Variants in CRMP1 observed in about 807,000 individuals in gnomAD.
CRMP1 encodes dihydropyrimidinase-related protein 1.
A neutral mutation model predicts 68.3 loss-of-function variants in CRMP1; 19 were observed. The ratio of observed to expected loss-of-function variants is 0.28; its 90% CI spans 0.19 to 0.41. The LOEUF is 0.41. Ranked by LOEUF, CRMP1 falls within the 10% of genes least tolerant of loss-of-function variation. CRMP1 has a pLI of 1.00. For synonymous variants in CRMP1, 439 were observed against 399.6 expected, an observed-to-expected ratio of 1.10 and a Z score of -1.18; for missense variants, 791 against 967.4, an observed-to-expected ratio of 0.82 and a Z score of 2.42.
Position 5,877,977 on chromosome 4 carries a change from G to A in CRMP1, c.382-11221C>T, listed in dbSNP as rs1396180463. Among the ~76,000 whole-genome samples the A allele has an allele frequency of 1.3e-5, 2 of 152,216 alleles. No individual in the cohort carries two copies. The highest frequency in any genetic ancestry group is 4.8e-5 in the African/African-American group (2 of 41,458). Reference sequence around the variant, plus strand: ...CCCATTTCTCTGTGTTCTGGTCTGTGCTTCTTGCTTTATAGAAAGAAATCC... The same window carrying A: ...CCCATTTCTCTGTGTTCTGGTCTGTACTTCTTGCTTTATAGAAAGAAATCC... On this transcript the variant is annotated intron_variant, in intron 1 of 13. Coordinates refer to ENST00000324989, the MANE Select transcript of CRMP1 (RefSeq NM_001014809.3). The surrounding 1 kb of genome is among the most constrained non-coding windows in gnomAD (Gnocchi z 4.3).
Position 5,865,348 on chromosome 4 carries a change from G to A in CRMP1, c.470+1320C>T, listed in dbSNP as rs114321533. Among the ~76,000 whole-genome samples the A allele has an allele frequency of 0.078, 11,868 of 152,118 alleles. 478 individuals carry two copies. Among genetic ancestry groups the A allele is most frequent in the South Asian group, 0.11 (544 of 4,816 alleles). ...AGTAAAATGTTAAGGCCAGCCAGGCGCGATGGCTCACACCTGTAATCCCAG... is the reference window on the plus strand; with the variant it reads ...AGTAAAATGTTAAGGCCAGCCAGGCACGATGGCTCACACCTGTAATCCCAG... On this transcript the variant is annotated intron_variant, in intron 2 of 13. Coordinates refer to ENST00000324989, the MANE Select transcript of CRMP1 (RefSeq NM_001014809.3). This position sits in a 1 kb window ranked among gnomAD's most constrained non-coding sequence, Gnocchi z 4.1.
At position 5,825,986 on chromosome 4, in the gene CRMP1, C is replaced by T; in HGVS notation, c.1804-327G>A. The T allele has an allele frequency of 5.3e-6, 2 of 378,902 alleles. No individual in the cohort carries two copies. Among genetic ancestry groups the T allele is most frequent in the South Asian group, 5.9e-5 (2 of 34,184 alleles). The allele number at this position is 378,902 out of a possible 1,614,324, so 23.5% of individuals were successfully genotyped here. A position where few individuals can be genotyped will look rare whatever the true frequency, so the allele number is the denominator to read the frequency against. The stretch of plus-strand genomic sequence containing the variant: ...CATGCAGTAACAAAACAGGCCTACA[C>T]AGTAGCATACACGCGTGAACACGCA... On this transcript the variant is annotated intron_variant, in intron 12 of 13. Transcript: ENST00000324989. The surrounding 1 kb of genome is among the most constrained non-coding windows in gnomAD (Gnocchi z 4.4).
At chr4:5,831,560 T>A (rs1425673210) in intron 11 of CRMP1, among the ~76,000 whole-genome samples, 3 of 152,068 alleles carry the variant, frequency 2.0e-5, no homozygotes, top group Non-Finnish European at 1.5e-5. Flanking sequence ...GAGGGACACA[T>A]GGATTGTGAA....
intron 6 of CRMP1, among the ~76,000 whole-genome samples, 193 bp downstream of exon 6, chr4:5,849,199 T>A (rs548326480): frequency 6.6e-6 from 1 of 152,236 alleles, no homozygotes; most frequent in Non-Finnish European, 1.5e-5. Flanking sequence ...CCAGCTTCCA[T>A]GTGCATTGCC....
At chr4:5,824,257 A>G (rs1314309074) in intron 13 of CRMP1, 2 of 982,422 alleles carry the variant, frequency 2.0e-6, no homozygotes, top group South Asian at 4.7e-5. Context: ...GATGAAGCCA[A>G]TCCCTGGTTT....
chr4:5,883,065 C>T lies in CRMP1; in HGVS notation c.381+9524G>A, dbSNP rs1715313855. ...TGATTCACCTGTGTGAAATATTCCA[C>T]CCACCTTGCATGCCCTTCCCTTCCC... On this transcript the variant is annotated intron_variant, in intron 1 of 13. Coordinates refer to ENST00000324989, the MANE Select transcript of CRMP1 (RefSeq NM_001014809.3). The surrounding 1 kb of genome is among the most constrained non-coding windows in gnomAD (Gnocchi z 4.5). Among the ~76,000 whole-genome samples the T allele has an allele frequency of 6.6e-6, 1 of 152,152 alleles. No homozygotes were observed. The highest frequency in any genetic ancestry group is 1.5e-5 in the Non-Finnish European group (1 of 68,036).
At position 5,888,583 on chromosome 4, in the gene CRMP1, C is replaced by A. The variant is rs1032144827; in HGVS notation, c.381+4006G>T. On this transcript the variant is annotated intron_variant, in intron 1 of 13. Coordinates refer to ENST00000324989, the MANE Select transcript of CRMP1 (RefSeq NM_001014809.3). The surrounding 1 kb of genome is among the most constrained non-coding windows in gnomAD (Gnocchi z 6.4). Reference sequence around the variant, plus strand: ...GGAGCGAAGCCGGATTCGCCCCTCTCGGCTCGAACCAGGAAGCGCTTCCCT... The same window carrying A: ...GGAGCGAAGCCGGATTCGCCCCTCTAGGCTCGAACCAGGAAGCGCTTCCCT... The A allele has an allele frequency of 1.9e-5, 20 of 1,079,332 alleles. No individual in the cohort carries two copies. The Admixed American group carries it at 8.5e-4, about 46-fold the overall frequency. 66.9% of individuals were successfully genotyped at this position (1,079,332 alleles called of 1,614,324 possible). A position where few individuals can be genotyped will look rare whatever the true frequency, so the allele number is the denominator to read the frequency against.
rs1711824728 is a variant in CRMP1, at chr4:5,842,483, C to T, written c.1032+610G>A. Among the ~76,000 whole-genome samples, 1 of 151,326 alleles carries T rather than the reference C, an allele frequency of 6.6e-6. No homozygotes were observed. The highest frequency in any genetic ancestry group is 2.4e-5 in the African/African-American group (1 of 41,192). ...AAAGAAAGTAAAAAGAAGGTGTCCT[C>T]AACTCAAAGGATGGCTGCCAGGGTG... On this transcript the variant is annotated intron_variant, in intron 7 of 13. Transcript: ENST00000324989. This position sits in a 1 kb window ranked among gnomAD's most constrained non-coding sequence, Gnocchi z 4.5.
intron 1 of CRMP1, among the ~76,000 whole-genome samples, chr4:5,867,145 C>G (rs543278279): frequency 6.6e-6 from 1 of 152,170 alleles, no homozygotes; most frequent in Admixed American, 6.5e-5. Flanking sequence ...AGAAACAAAA[C>G]CAGAATCCAT....
In CRMP1 at chr4:5,858,446, G is replaced by T. The variant is rs1298727706; in HGVS notation, c.656-2139C>A. Among the ~76,000 whole-genome samples, 1 of 151,606 alleles carries T rather than the reference G, an allele frequency of 6.6e-6. No homozygotes were observed. The highest frequency in any genetic ancestry group is 2.1e-4 in the South Asian group (1 of 4,802). On this transcript the variant is annotated intron_variant, in intron 3 of 13. Coordinates refer to ENST00000324989, the MANE Select transcript of CRMP1 (RefSeq NM_001014809.3). The surrounding 1 kb of genome is among the most constrained non-coding windows in gnomAD (Gnocchi z 5.5). Reference sequence around the variant, plus strand: ...GCTGTGGTGGACATCACCAACCAACGGTTCCACAGCCAGAGGCCCAGGTCA... The same window carrying T: ...GCTGTGGTGGACATCACCAACCAACTGTTCCACAGCCAGAGGCCCAGGTCA...
In CRMP1 at chr4:5,825,475, G is replaced by C; in HGVS notation, c.1969+19C>G. 6.4e-7 allele frequency: 1 copy of C among 1,552,336 alleles called. No homozygotes were observed. The highest frequency in any genetic ancestry group is 8.6e-7 in the Non-Finnish European group (1 of 1,156,886). The stretch of plus-strand genomic sequence containing the variant: ...AACTGCTGCAATTGTGGGGAGCCTG[G>C]GCCACCACTCTTTCCTACCTGATAA... On this transcript the variant is annotated intron_variant, in intron 13 of 13. Coordinates refer to ENST00000324989, the MANE Select transcript of CRMP1 (RefSeq NM_001014809.3). This position sits in a 1 kb window ranked among gnomAD's most constrained non-coding sequence, Gnocchi z 4.4.
intron 1 of CRMP1, among the ~76,000 whole-genome samples, chr4:5,885,097 AC>A (rs1365864757): frequency 6.6e-6 from 1 of 152,082 alleles, no homozygotes; most frequent in Admixed American, 6.6e-5. Context: ...CTAACCGGCT[AC>A]TATATTGTCT....
At chr4:5,871,597 T>G (rs1344161370) in intron 1 of CRMP1, among the ~76,000 whole-genome samples, 2 of 151,516 alleles carry the variant, frequency 1.3e-5, no homozygotes, top group East Asian at 3.9e-4. Flanking sequence ...GAGAAGGAGG[T>G]TGCAGTGAGC....
At position 5,888,603 on chromosome 4, in the gene CRMP1, T is replaced by C; in HGVS notation, c.381+3986A>G. On this transcript the variant is annotated intron_variant, in intron 1 of 13. Transcript: ENST00000324989. This position sits in a 1 kb window ranked among gnomAD's most constrained non-coding sequence, Gnocchi z 6.4. ...CCTCTCGGCTCGAACCAGGAAGCGC[T>C]TCCCTTCCGATCTCCCACCCCGCCC... is the stretch of plus-strand genomic sequence containing the variant. The C allele has an allele frequency of 9.8e-7, 1 of 1,023,272 alleles. No individual in the cohort carries two copies. The allele number at this position is 1,023,272 out of a possible 1,614,324, so 63.4% of individuals were successfully genotyped here.
intron 13 of CRMP1, chr4:5,824,836 C>T (rs1353420964): frequency 3.0e-6 from 3 of 985,356 alleles, no homozygotes; most frequent in Non-Finnish European, 3.6e-6. Context: ...TCAACGTGTG[C>T]GTGCCTGCCC....
At chr4:5,828,707 T>G in intron 11 of CRMP1, 39 bp from the exon 12 acceptor site, 3 of 1,604,368 alleles carry the variant, frequency 1.9e-6, no homozygotes, top group Non-Finnish European at 2.6e-6. Flanking sequence ...CAGGATTTGC[T>G]CTGCCCCAAA....
rs750755387 is a variant in CRMP1, at chr4:5,842,528, G to A, written c.1032+565C>T. Among the ~76,000 whole-genome samples the A allele has an allele frequency of 9.1e-4, 138 of 151,284 alleles. No individual in the cohort carries two copies. The highest frequency in any genetic ancestry group is 1.8e-3 in the Non-Finnish European group (121 of 67,894). Reference sequence around the variant, plus strand: ...AGGGTGCCCACTCTATTCCATGCCCGATCAGCTTGCCTTCCTCCTTCCACA... The same window carrying A: ...AGGGTGCCCACTCTATTCCATGCCCAATCAGCTTGCCTTCCTCCTTCCACA... On this transcript the variant is annotated intron_variant, in intron 7 of 13. Transcript: ENST00000324989. This position sits in a 1 kb window ranked among gnomAD's most constrained non-coding sequence, Gnocchi z 4.5.
rs778792724 is a variant in CRMP1 at position 5,835,901 on chromosome 4, A to G, written c.1623+14T>C. 1.4e-6 allele frequency: 2 copies of G among 1,463,308 alleles called. No homozygotes were observed. Among genetic ancestry groups the G allele is most frequent in the East Asian group, 5.1e-5 (2 of 39,100 alleles). 90.6% of individuals were successfully genotyped at this position (1,463,308 alleles called of 1,614,324 possible). ...AATCACTTATCTCAGCAGCACAAAT[A>G]GGCCAGGACTTACCGACTTGTGACT... On this transcript the variant is annotated intron_variant, in intron 11 of 13. Transcript: ENST00000324989.
Position 5,834,753 on chromosome 4 carries a change from G to A in CRMP1, c.1623+1162C>T, listed in dbSNP as rs1229123909. Among the ~76,000 whole-genome samples the A allele has an allele frequency of 2.0e-5, 3 of 152,130 alleles. No homozygotes were observed. The highest frequency in any genetic ancestry group is 4.4e-5 in the Non-Finnish European group (3 of 68,022). ...AAGCCCTGCTGGACTGTACATGTGCGTGGCATAAACCTTTCTCCATGGGAA... is the reference window on the plus strand; with the variant it reads ...AAGCCCTGCTGGACTGTACATGTGCATGGCATAAACCTTTCTCCATGGGAA... On this transcript the variant is annotated intron_variant, in intron 11 of 13. Coordinates refer to ENST00000324989, the MANE Select transcript of CRMP1 (RefSeq NM_001014809.3). The surrounding 1 kb of genome is among the most constrained non-coding windows in gnomAD (Gnocchi z 4.3).
Sources: gnomAD v4.1 joint callset for allele counts (sites outside exome capture counted in the v4.1 genomes callset) on GRCh38, gnomAD v4.1.1 for gene constraint, Gnocchi (gnomAD v3.1) non-coding constraint, MANE v1.5 for transcripts, NCBI Gene and HGNC (gene_info 2026-07-23, HGNC 2026-07-21) for gene names.